MYOF: variants seen among roughly 807,000 people sequenced by gnomAD.
MYOF encodes the protein fer-1-like 3, myoferlin.
A neutral mutation model predicts 284.2 loss-of-function variants in MYOF; 244 were observed. The ratio of observed to expected loss-of-function variants is 0.86; its 90% CI spans 0.77 to 0.95. The LOEUF (loss-of-function observed/expected upper bound fraction) is 0.95. Ranked by LOEUF, MYOF falls within the 40% of genes least tolerant of loss-of-function variation. The pLI, the probability that MYOF is intolerant of heterozygous loss-of-function variation, is 0.00. For missense variants in MYOF, 2,496 were observed against 2,560.6 expected (o/e 0.97, Z 0.54); for synonymous variants, 904 against 919.7 (o/e 0.98, Z 0.31).
rs527490917 is a variant in MYOF at position 93,365,133 on chromosome 10, A to C, written c.2754-1058T>G. 5.9e-5 allele frequency among the ~76,000 whole-genome samples: 9 copies of C among 152,350 alleles called. No individual in the cohort carries two copies. The East Asian group carries it at 1.7e-3, about 29-fold the overall frequency. Reference sequence around the variant, plus strand: ...CCTGAATTGAAAGCAATCACATGCAAGCAAGCACGTTTGGGTCTTAAGAGA... The same window carrying C: ...CCTGAATTGAAAGCAATCACATGCACGCAAGCACGTTTGGGTCTTAAGAGA... On this transcript the variant is annotated intron_variant, in intron 26 of 53. Coordinates refer to ENST00000359263, the MANE Select transcript of MYOF (RefSeq NM_013451.4).
At chr10:93,442,098 A>C (rs1039265749) in intron 3 of MYOF, among the ~76,000 whole-genome samples, 2 of 151,926 alleles carry the variant, frequency 1.3e-5, no homozygotes, top group South Asian at 4.1e-4. Context: ...ATACCTATGT[A>C]AAATCCACAT....
rs548856222 is a variant in MYOF, at chr10:93,362,524, T to C, written c.2869-967A>G. ...CCTCCCGAAGTGCTGGGATTACAGG[T>C]GTGACCCACCACACCCGGCAGACAC... On this transcript the variant is annotated intron_variant, in intron 27 of 53. Transcript: ENST00000359263. 3.3e-5 allele frequency among the ~76,000 whole-genome samples: 5 copies of C among 152,046 alleles called. No homozygotes were observed. In the South Asian group the frequency reaches 1.0e-3, roughly 32 times the overall value.
intron 5 of MYOF, among the ~76,000 whole-genome samples, chr10:93,412,406 C>G (rs1319895871): frequency 6.6e-6 from 1 of 152,198 alleles, no homozygotes. Context: ...CCTGCTGTCT[C>G]TCTTAGGGCA....
At chr10:93,472,116 CT>C (rs967183437) in intron 1 of MYOF, among the ~76,000 whole-genome samples, 2 of 152,226 alleles carry the variant, frequency 1.3e-5, no homozygotes, top group Admixed American at 1.3e-4. Context: ...TGCCTTCCTG[CT>C]GATCACTGAG....
chr10:93,348,011 C>T (rs1240903980), intron 36 of MYOF, among the ~76,000 whole-genome samples: 3 of 152,222 alleles, frequency 2.0e-5, no homozygotes, highest in African/African-American at 7.2e-5. Flanking sequence ...ACCTGGCTAA[C>T]CCTTCCATGC....
chr10:93,329,969 T>A, intron 43 of MYOF, 135 bp from the exon 44 acceptor site: 1 of 761,164 alleles, frequency 1.3e-6, no homozygotes, highest in Admixed American at 2.4e-5. Context: ...ATAACCAGGG[T>A]GGGTGGTGGT....
At chr10:93,425,211 G>A (rs1026877490) in intron 5 of MYOF, among the ~76,000 whole-genome samples, 2 of 151,998 alleles carry the variant, frequency 1.3e-5, no homozygotes, top group African/African-American at 4.8e-5. Context: ...AAAGTGTTGG[G>A]ATTACAGGCA....
chr10:93,390,572 A>G (rs539962163), intron 17 of MYOF, among the ~76,000 whole-genome samples: 15 of 152,204 alleles, frequency 9.9e-5, no homozygotes, highest in Non-Finnish European at 2.1e-4. Context: ...AGACAGATAA[A>G]CAGGAGGAAT....
At chr10:93,412,685 C>T (rs1352613173) in intron 5 of MYOF, among the ~76,000 whole-genome samples, 1 of 152,172 alleles carries the variant, frequency 6.6e-6, no homozygotes, top group African/African-American at 2.4e-5. Context: ...TTGTTTCTGC[C>T]CCATGCCTTA....
chr10:93,325,892 C>G lies in MYOF; in HGVS notation c.5205G>C (p.Gln1735His), dbSNP rs1420768694. 2 of 1,614,078 alleles carry G rather than the reference C, an allele frequency of 1.2e-6. No homozygotes were observed. Among genetic ancestry groups the G allele is most frequent in the East Asian group, 2.2e-5 (1 of 44,872 alleles). Residue 1735 changes from glutamine to histidine, a missense_variant, in exon 46 of 54, where the codon CAG becomes CAC. Physicochemically the swap from Gln to His is conservative, Grantham distance 24. Coordinates refer to ENST00000359263, the MANE Select transcript of MYOF (RefSeq NM_013451.4). Reference sequence around the variant, plus strand: ...TTTCCACGTGCTCAGGGACCAGCCCCTGAGTCCTGAGGATGTGAAGAGCAA... The same window carrying G: ...TTTCCACGTGCTCAGGGACCAGCCCGTGAGTCCTGAGGATGTGAAGAGCAA... ...ERLALHILRT[Q>H]GLVPEHVETR...
intron 1 of MYOF, among the ~76,000 whole-genome samples, chr10:93,460,767 CAAAAAAA>C (rs757591863): frequency 3.2e-4 from 8 of 25,302 alleles, no homozygotes; most frequent in African/African-American, 8.0e-4. Context: ...ACCCCATCTC[CAAAAAAA>C]AAAAAAAAAA....
chr10:93,370,341 A>T (rs903379886), intron 24 of MYOF, among the ~76,000 whole-genome samples: 1 of 121,382 alleles, frequency 8.2e-6, no homozygotes, highest in African/African-American at 5.0e-5. Flanking sequence ...TTTTTGAGAC[A>T]GAGTCTCACT....
At chr10:93,315,415 G>A (rs938915202) in intron 50 of MYOF, among the ~76,000 whole-genome samples, 3 of 152,280 alleles carry the variant, frequency 2.0e-5, no homozygotes, top group Non-Finnish European at 2.9e-5. Flanking sequence ...CTGGCGGGGC[G>A]TGGGGAGAAA....
intron 1 of MYOF, among the ~76,000 whole-genome samples, chr10:93,470,607 G>A (rs2057123899): frequency 6.6e-6 from 1 of 152,018 alleles, no homozygotes; most frequent in Non-Finnish European, 1.5e-5. Flanking sequence ...TCATCATGTT[G>A]GCCAGGCTGG....
At chr10:93,334,766 G>A (rs1055577736) in intron 41 of MYOF, among the ~76,000 whole-genome samples, 2 of 152,122 alleles carry the variant, frequency 1.3e-5, no homozygotes, top group African/African-American at 4.8e-5. Flanking sequence ...TATGTGCCAG[G>A]TACTAGGGAC....
intron 43 of MYOF, 110 bp from the exon 44 acceptor site, chr10:93,329,944 G>A (rs1843228179): frequency 9.0e-7 from 1 of 1,116,988 alleles, no homozygotes; most frequent in Admixed American, 1.9e-5. Context: ...GGCTGCTGGA[G>A]GACATCTGAG....
At position 93,319,862 on chromosome 10, in the gene MYOF, C is replaced by T; in HGVS notation, c.5598+10G>A. On this transcript the variant is annotated intron_variant, in intron 49 of 53. Transcript: ENST00000359263. ...ATACCCACTTCCCAGCGGCATATTT[C>T]AGAGCTCACTTTTTTCGCAACGATA... 3.7e-6 allele frequency: 6 copies of T among 1,613,934 alleles called. No individual in the cohort carries two copies. The highest frequency in any genetic ancestry group is 5.1e-6 in the Non-Finnish European group (6 of 1,179,970).
intron 36 of MYOF, among the ~76,000 whole-genome samples, chr10:93,348,971 CCT>C (rs1179098815): frequency 2.0e-5 from 3 of 152,048 alleles, no homozygotes; most frequent in Non-Finnish European, 4.4e-5. Context: ...TCAGTTTCCT[CCT>C]CTGTAATGTA....
chr10:93,338,191 C>G (rs193292320), intron 39 of MYOF: 1 of 498,810 alleles, frequency 2.0e-6, no homozygotes, highest in Non-Finnish European at 3.7e-6. Flanking sequence ...TACACACAGT[C>G]TATTAATTTG....
Sources: allele counts gnomAD v4.1 joint callset (sites outside exome capture counted in the v4.1 genomes callset), GRCh38; gene constraint gnomAD v4.1.1; transcripts MANE v1.5; gene names NCBI Gene and HGNC (gene_info 2026-07-23, HGNC 2026-07-21).